KHDRBS2: variants seen among roughly 807,000 people sequenced by gnomAD.
The protein encoded by KHDRBS2 is KH RNA binding domain containing, signal transduction associated 2.
KHDRBS2 carries 26 observed loss-of-function variants against 44.3 expected under a neutral mutation model. That is an observed-to-expected ratio of 0.59 (90% CI 0.43 to 0.81). The LOEUF (loss-of-function observed/expected upper bound fraction) is 0.81, where lower values mean the gene tolerates loss of function less well. KHDRBS2 is among the 40% of genes least tolerant of loss of function. The pLI is 0.00. For missense variants in KHDRBS2, 476 were observed against 433.1 expected, an observed-to-expected ratio of 1.10 and a Z score of -0.88; for synonymous variants, 194 against 151.1, an observed-to-expected ratio of 1.28 and a Z score of -2.08.
intron 1 of KHDRBS2, among the ~76,000 whole-genome samples, chr6:62,217,359 T>C (rs990647029): frequency 5.3e-5 from 8 of 151,814 alleles, no homozygotes; most frequent in Non-Finnish European, 1.0e-4. Flanking sequence ...ATATTCAACG[T>C]CATGTAATTG....
At chr6:61,671,155 G>A in the KHDRBS2 span, among the ~76,000 whole-genome samples, 1 of 151,658 alleles carries the variant, frequency 6.6e-6, no homozygotes, top group Non-Finnish European at 1.5e-5. Flanking sequence ...ACAGAAGAGA[G>A]GGAAAACAGT....
chr6:62,020,439 T>G (rs533080242), intron 3 of KHDRBS2, among the ~76,000 whole-genome samples: 8 of 152,132 alleles, frequency 5.3e-5, no homozygotes, highest in Middle Eastern at 3.4e-3. Flanking sequence ...GTGTGGGGTA[T>G]TGTCTATAAA....
chr6:61,977,479 C>T (rs1340391033), intron 4 of KHDRBS2, among the ~76,000 whole-genome samples: 2 of 151,950 alleles, frequency 1.3e-5, no homozygotes, highest in African/African-American at 4.8e-5. Context: ...TCTCTGTTGC[C>T]CTCACATGGT....
At chr6:61,771,056 T>C (rs1028504301) in intron 6 of KHDRBS2, among the ~76,000 whole-genome samples, 3 of 152,148 alleles carry the variant, frequency 2.0e-5, no homozygotes, top group African/African-American at 7.2e-5. Context: ...AAAAGAATTT[T>C]CAACCCAGAT....
Position 61,680,836 on chromosome 6 carries a change from T to C in KHDRBS2, c.*127A>G, listed in dbSNP as rs1454051284. The C allele has an allele frequency of 3.3e-6, 2 of 609,690 alleles. No homozygotes were observed. Among genetic ancestry groups the C allele is most frequent in the Non-Finnish European group, 5.9e-6 (2 of 337,588 alleles). The allele number at this position is 609,690 out of a possible 1,614,324, so 37.8% of individuals were successfully genotyped here. On this transcript the variant is annotated 3_prime_UTR_variant, in exon 9 of 9. Coordinates refer to ENST00000281156, the MANE Select transcript of KHDRBS2 (RefSeq NM_152688.4). ...TACTAGAAATATATGGGAGTAATCA[T>C]GAGCAGTTATCCCTAGAATAGAAAC...
chr6:61,677,957 T>C (rs1294348819), downstream of KHDRBS2, among the ~76,000 whole-genome samples: 2 of 151,882 alleles, frequency 1.3e-5, no homozygotes, highest in East Asian at 2.0e-4. Flanking sequence ...ATAAGGAATC[T>C]CCAGGCTCTC....
chr6:62,285,812 G>A lies in KHDRBS2; in HGVS notation c.91+46C>T, dbSNP rs546865498. On this transcript the variant is annotated intron_variant, in intron 1 of 8. Coordinates refer to ENST00000281156, the MANE Select transcript of KHDRBS2 (RefSeq NM_152688.4). ...ACTCCCCTAATCAAGCCGCGGGTGA[G>A]ATAGGCAGCCGGCGGTTTGTGCCCA... 8 of 1,390,728 alleles carry A rather than the reference G, an allele frequency of 5.8e-6. No homozygotes were observed. The South Asian group carries it at 9.4e-5, about 16-fold the overall frequency. 86.1% of individuals were successfully genotyped at this position (1,390,728 alleles called of 1,614,324 possible).
intron 7 of KHDRBS2, among the ~76,000 whole-genome samples, chr6:61,731,852 A>C (rs1246687154): frequency 6.6e-6 from 1 of 152,130 alleles, no homozygotes; most frequent in African/African-American, 2.4e-5. Flanking sequence ...TTTTCTTCAT[A>C]GTTAACAAAA....
At chr6:61,813,698 C>T (rs1238298005) in intron 6 of KHDRBS2, among the ~76,000 whole-genome samples, 1 of 152,156 alleles carries the variant, frequency 6.6e-6, no homozygotes, top group African/African-American at 2.4e-5. Flanking sequence ...CAGCTCCCTG[C>T]TCAGTTCTAC....
At chr6:62,256,819 T>A (rs1478028680) in intron 1 of KHDRBS2, among the ~76,000 whole-genome samples, 1 of 152,064 alleles carries the variant, frequency 6.6e-6, no homozygotes, top group Non-Finnish European at 1.5e-5. Context: ...GAACAGAAAC[T>A]CTTGGATCCA....
intron 6 of KHDRBS2, among the ~76,000 whole-genome samples, chr6:61,798,771 A>C (rs1785789325): frequency 6.6e-6 from 1 of 152,024 alleles, no homozygotes; most frequent in South Asian, 2.1e-4. Flanking sequence ...TACTCTCAAA[A>C]GTAGTCTTCC....
rs551961157 is a variant in KHDRBS2, at chr6:61,819,084, T to C, written c.810+75551A>G. Among the ~76,000 whole-genome samples, 3 of 152,118 alleles carry C rather than the reference T, an allele frequency of 2.0e-5. No individual in the cohort carries two copies. In the South Asian group the frequency reaches 6.2e-4, roughly 32 times the overall value. On this transcript the variant is annotated intron_variant, in intron 6 of 8. Coordinates refer to ENST00000281156, the MANE Select transcript of KHDRBS2 (RefSeq NM_152688.4). ...AATTTTTTCCAATATATTTTTCTTC[T>C]AAAAATGCTTATTTTAGCTATAATA...
Position 62,189,464 on chromosome 6 carries a change from T to C in KHDRBS2, c.92-12152A>G, listed in dbSNP as rs558993178. Among the ~76,000 whole-genome samples the C allele has an allele frequency of 5.0e-4, 76 of 152,204 alleles. 1 individual carries two copies. Among genetic ancestry groups the C allele is most frequent in the Middle Eastern group, 6.8e-3 (2 of 294 alleles). ...CAGCCAGATAGTAAGTGTTTGCCATTTTAAGCGCTTAGGTTTTGAGGTAAT... is the reference window on the plus strand; with the variant it reads ...CAGCCAGATAGTAAGTGTTTGCCATCTTAAGCGCTTAGGTTTTGAGGTAAT... On this transcript the variant is annotated intron_variant, in intron 1 of 8. Coordinates refer to ENST00000281156, the MANE Select transcript of KHDRBS2 (RefSeq NM_152688.4).
intron 1 of KHDRBS2, among the ~76,000 whole-genome samples, chr6:62,207,575 A>G (rs1379579450): frequency 6.6e-6 from 1 of 152,168 alleles, no homozygotes; most frequent in Non-Finnish European, 1.5e-5. Flanking sequence ...ACTTGCAACT[A>G]ATAAAAGATA....
At chr6:61,795,743 G>A (rs979355908) in intron 6 of KHDRBS2, among the ~76,000 whole-genome samples, 4 of 151,934 alleles carry the variant, frequency 2.6e-5, no homozygotes, top group African/African-American at 9.7e-5. Flanking sequence ...CTTTCTTCTT[G>A]TTGCAGAGTA....
chr6:61,730,183 G>A (rs918125366), intron 7 of KHDRBS2, among the ~76,000 whole-genome samples: 1 of 151,926 alleles, frequency 6.6e-6, no homozygotes, highest in Non-Finnish European at 1.5e-5. Context: ...CTAGTATTGA[G>A]GATAAAATTT....
intron 1 of KHDRBS2, among the ~76,000 whole-genome samples, chr6:62,269,594 G>T (rs1309082900): frequency 6.6e-6 from 1 of 152,012 alleles, no homozygotes; most frequent in Non-Finnish European, 1.5e-5. Context: ...TCAAATGTTG[G>T]CAAGGAAATG....
intron 6 of KHDRBS2, among the ~76,000 whole-genome samples, chr6:61,849,040 T>A (rs1184482246): frequency 2.0e-5 from 3 of 152,072 alleles, no homozygotes; most frequent in Admixed American, 6.6e-5. Flanking sequence ...TAGAGATGTA[T>A]GTGGTTCATT....
intron 6 of KHDRBS2, among the ~76,000 whole-genome samples, chr6:61,876,095 G>C (rs540637149): frequency 6.6e-6 from 1 of 152,100 alleles, no homozygotes; most frequent in South Asian, 2.1e-4. Flanking sequence ...AAAAGATTAG[G>C]TTTTGCAGCA....
Sources: allele counts gnomAD v4.1 joint callset (sites outside exome capture counted in the v4.1 genomes callset), GRCh38; gene constraint gnomAD v4.1.1; transcripts MANE v1.5; gene names NCBI Gene and HGNC (gene_info 2026-07-23, HGNC 2026-07-21).